Variants in OTUB1 observed in about 807,000 individuals in gnomAD.
OTUB1 encodes the protein ubiquitin thioesterase OTUB1.
Under a neutral mutation model 35.8 loss-of-function variants are expected in OTUB1, and 10 were observed. That is an observed-to-expected ratio of 0.28 (90% confidence interval 0.17 to 0.47). The LOEUF (loss-of-function observed/expected upper bound fraction) is 0.47. OTUB1 is among the 20% of genes least tolerant of loss of function. The pLI is 0.99. For missense variants in OTUB1, 264 were observed against 351.6 expected, an observed-to-expected ratio of 0.75 and a Z score of 1.99; for synonymous variants, 158 against 143.8, an observed-to-expected ratio of 1.10 and a Z score of -0.71.
In OTUB1 at chr11:63,997,535, C is replaced by A; in HGVS notation, c.805C>A (p.Leu269Ile). Reference protein sequence around the residue: ...LLYRPGHYDILYK With the variant: ...LLYRPGHYDIIYK ...CTACCGGCCTGGACACTACGATATC[C>A]TCTACAAATAGGGCTGGCTCCAGCC... Residue 269 changes from leucine (L) to isoleucine (I), a missense_variant, in exon 7 of 7, where the codon CTC (leucine) becomes ATC (isoleucine). Leu to Ile is a conservative substitution (Grantham distance 5). This residue lies in a region of OTUB1 where 214 missense variants were observed against 317.1 expected (regional missense o/e 0.67). Coordinates refer to ENST00000538426, the MANE Select transcript of OTUB1 (RefSeq NM_017670.3). 1 of 1,613,684 alleles carries A rather than the reference C, an allele frequency of 6.2e-7. No homozygotes were observed. The highest frequency in any genetic ancestry group is 2.2e-5 in the East Asian group (1 of 44,880).
Position 63,997,525 on chromosome 11 carries a change from C to T in OTUB1, c.795C>T (p.His265=). ...PKVYLLYRPG[H]YDILYK ...TCTACCTTCTCTACCGGCCTGGACACTACGATATCCTCTACAAATAGGGCT... is the reference window on the plus strand; with the variant it reads ...TCTACCTTCTCTACCGGCCTGGACATTACGATATCCTCTACAAATAGGGCT... Residue 265 remains histidine (H), a synonymous_variant, in exon 7 of 7, where the codon CAC becomes CAT. Coordinates refer to ENST00000538426, the MANE Select transcript of OTUB1 (RefSeq NM_017670.3). The T allele has an allele frequency of 1.9e-6, 3 of 1,613,928 alleles. No homozygotes were observed. Among genetic ancestry groups the T allele is most frequent in the Non-Finnish European group, 1.7e-6 (2 of 1,179,900 alleles).
chr11:63,988,719 T>C lies in OTUB1; in HGVS notation c.186T>C (p.Ala62=), dbSNP rs1300619314. ...TCTCGGTCCTATACAAGGAGTATGC[T>C]GAAGATGACAACATCTATCAACAGA... The part of the protein sequence containing the change: ...LELSVLYKEY[A]EDDNIYQQKI... The change falls in exon 3 of 7, where the codon GCT becomes GCC. Residue 62 remains alanine (A), a synonymous_variant. Coordinates refer to ENST00000538426, the MANE Select transcript of OTUB1 (RefSeq NM_017670.3). The C allele has an allele frequency of 2.6e-5, 42 of 1,612,888 alleles. No homozygotes were observed. The highest frequency in any genetic ancestry group is 3.6e-5 in the Non-Finnish European group (42 of 1,179,554).
chr11:63,997,446 G>A lies in OTUB1; in HGVS notation c.716G>A (p.Gly239Asp). 6.2e-7 allele frequency: 1 copy of A among 1,614,114 alleles called. No individual in the cohort carries two copies. Among genetic ancestry groups the A allele is most frequent in the Non-Finnish European group, 8.5e-7 (1 of 1,180,004 alleles). ...VSIQVEYMDRGEGGTTNPHIF... is the reference protein window; with the variant it reads ...VSIQVEYMDRDEGGTTNPHIF... Reference sequence around the variant, plus strand: ...ATCCAGGTGGAGTACATGGACCGCGGCGAGGGCGGCACCACCAATCCGCAC... The same window carrying A: ...ATCCAGGTGGAGTACATGGACCGCGACGAGGGCGGCACCACCAATCCGCAC... Residue 239 changes from glycine (G) to aspartate (D), a missense_variant, in exon 7 of 7, where the codon GGC becomes GAC. This residue lies in a region of OTUB1 where 214 missense variants were observed against 317.1 expected (regional missense o/e 0.67). Coordinates refer to ENST00000538426, the MANE Select transcript of OTUB1 (RefSeq NM_017670.3).
intron 3 of OTUB1, chr11:63,989,828 A>G (rs1359118048): frequency 6.6e-6 from 1 of 151,698 alleles, no homozygotes; most frequent in Non-Finnish European, 1.5e-5. Context: ...GATCGAGACC[A>G]CGGTGAAACC....
rs748872229 is a variant in OTUB1, at chr11:63,988,736, A to G, written c.203A>G (p.Tyr68Cys). The G allele has an allele frequency of 3.7e-6, 6 of 1,611,474 alleles. No homozygotes were observed. The highest frequency in any genetic ancestry group is 1.1e-5 in the South Asian group (1 of 91,048). The change falls in exon 3 of 7, where the codon TAT becomes TGT. Residue 68 changes from tyrosine (Y) to cysteine (C), a missense_variant. Transcript: ENST00000538426. ...YKEYAEDDNI[Y>C]QQKIKDLHKK... Reference sequence around the variant, plus strand: ...GAGTATGCTGAAGATGACAACATCTATCAACAGAAGATCAAGGTGGGAGCC... The same window carrying G: ...GAGTATGCTGAAGATGACAACATCTGTCAACAGAAGATCAAGGTGGGAGCC...
At chr11:63,986,884 C>A (rs1942625978) in intron 1 of OTUB1, 1 of 221,960 alleles carries the variant, frequency 4.5e-6, no homozygotes, top group African/African-American at 2.3e-5. Context: ...GCCGAGCCCC[C>A]CGGCCTGCTC....
chr11:63,993,281 A>G (rs1942688782), intron 3 of OTUB1, among the ~76,000 whole-genome samples: 1 of 152,196 alleles, frequency 6.6e-6, no homozygotes, highest in Admixed American at 6.5e-5. Flanking sequence ...CCTGTTGGAC[A>G]GTTCAGAGGA....
intron 6 of OTUB1, 38 bp from the exon 7 acceptor site, chr11:63,997,311 G>A: frequency 6.2e-7 from 1 of 1,612,710 alleles, no homozygotes; most frequent in Non-Finnish European, 8.5e-7. Flanking sequence ...CTGGGGCGGG[G>A]TGCGGAGACC....
At chr11:63,996,432 T>A in intron 3 of OTUB1, 98 bp from the exon 4 acceptor site, 3 of 1,351,616 alleles carry the variant, frequency 2.2e-6, no homozygotes, top group Non-Finnish European at 3.1e-6. Context: ...GGAGCTCAGT[T>A]GCCACCTTTG....
chr11:63,987,594 A>C (rs1337836781), intron 1 of OTUB1, among the ~76,000 whole-genome samples: 1 of 152,258 alleles, frequency 6.6e-6, no homozygotes, highest in Non-Finnish European at 1.5e-5. Context: ...TGAAGAGCTC[A>C]GCCTGGAATT....
intron 3 of OTUB1, chr11:63,989,329 A>G (rs1472086834): frequency 6.6e-6 from 1 of 152,082 alleles, no homozygotes; most frequent in Non-Finnish European, 1.5e-5. Context: ...AAAAAAAAAA[A>G]AGACATTGAT....
intron 3 of OTUB1, 79 bp downstream of exon 3, chr11:63,988,831 T>G (rs1942644387): frequency 1.1e-6 from 1 of 886,180 alleles, no homozygotes; most frequent in South Asian, 1.4e-5. Context: ...TGCTTCCTGC[T>G]GGGTCTGTCA....
At chr11:63,991,037 G>T in intron 3 of OTUB1, among the ~76,000 whole-genome samples, 1 of 152,176 alleles carries the variant, frequency 6.6e-6, no homozygotes, top group Non-Finnish European at 1.5e-5. Flanking sequence ...ATCTACTGAG[G>T]CCCCCTCCTC....
rs372423071 is a variant in OTUB1 at position 63,997,332 on chromosome 11, C to T, written c.619-17C>T. On this transcript the variant is annotated splice_polypyrimidine_tract_variant and intron_variant, in intron 6 of 6. Transcript: ENST00000538426. ...CGGGGTGCGGAGACCAGGGCCTGAC[C>T]GGCACCTGTGCCACAGGAGGTGGAG... 3.8e-5 allele frequency: 62 copies of T among 1,613,590 alleles called. No individual in the cohort carries two copies. Among genetic ancestry groups the T allele is most frequent in the African/African-American group, 2.1e-4 (16 of 74,926 alleles).
intron 3 of OTUB1, chr11:63,990,589 A>AAAAAAAAATAAAT (rs1406618295): frequency 7.3e-6 from 1 of 137,106 alleles, no homozygotes; most frequent in African/African-American, 2.7e-5. Context: ...GTCTCTTAAA[A>AAAAAAAAATAAAT]AAATAAAAAA....
chr11:63,997,643 C>T lies in OTUB1; in HGVS notation c.*97C>T, dbSNP rs764727163. 5.9e-6 allele frequency: 6 copies of T among 1,024,186 alleles called. No homozygotes were observed. In the East Asian group the frequency reaches 1.2e-4, roughly 21 times the overall value. 63.4% of individuals were successfully genotyped at this position (1,024,186 alleles called of 1,614,324 possible). ...GTGGTTGTAAATGGTCCTATTTCAC[C>T]CCCTTCTTCCTGTCACATGACCCCC... On this transcript the variant is annotated 3_prime_UTR_variant, in exon 7 of 7. Transcript: ENST00000538426.
chr11:63,988,283 GC>G (rs1942638873), intron 1 of OTUB1, 53 bp from the exon 2 acceptor site: 4 of 1,452,108 alleles, frequency 2.8e-6, no homozygotes, highest in Non-Finnish European at 3.8e-6. Context: ...CCAGCTGCCT[GC>G]AGTGGAGATG....
intron 3 of OTUB1, among the ~76,000 whole-genome samples, chr11:63,992,457 G>GGGGCA (rs1942681222): frequency 6.7e-6 from 1 of 150,178 alleles, no homozygotes; most frequent in South Asian, 2.1e-4. Context: ...GGAACTGAGC[G>GGGGCA]GGGCGGGGCG....
rs1425999387 is a variant in OTUB1 at position 63,997,917 on chromosome 11, G to C, written c.*371G>C. 6.6e-6 allele frequency: 4 copies of C among 606,958 alleles called. No homozygotes were observed. The highest frequency in any genetic ancestry group is 3.7e-5 in the African/African-American group (2 of 53,986). 37.6% of individuals were successfully genotyped at this position (606,958 alleles called of 1,614,324 possible). ...GGCTCAGGGGCTTCTATGGGATCCTGGAAGTTCCTTAGGGACTTGCCCAGG... is the reference window on the plus strand; with the variant it reads ...GGCTCAGGGGCTTCTATGGGATCCTCGAAGTTCCTTAGGGACTTGCCCAGG... On this transcript the variant is annotated 3_prime_UTR_variant, in exon 7 of 7. Coordinates refer to ENST00000538426, the MANE Select transcript of OTUB1 (RefSeq NM_017670.3).
Sources: allele counts gnomAD v4.1 joint callset (sites outside exome capture counted in the v4.1 genomes callset), GRCh38; gene constraint gnomAD v4.1.1; regional missense constraint gnomAD v4.1.1; transcripts MANE v1.5; gene names NCBI Gene and HGNC (gene_info 2026-07-23, HGNC 2026-07-21).